Variants in PCDH15 observed in about 807,000 individuals in gnomAD.
The protein encoded by PCDH15 is protocadherin related 15, also known as protocadherin-15.
In PCDH15, 129 loss-of-function variants were observed where a neutral mutation model predicts 178.5. The ratio of observed to expected loss-of-function variants is 0.72; its 90% confidence interval spans 0.63 to 0.84. The LOEUF (loss-of-function observed/expected upper bound fraction) is 0.84. PCDH15 is among the 40% of genes least tolerant of loss of function. The probability of loss-of-function intolerance (pLI) is 0.00; values close to 1 mark genes in which losing one functional copy is unlikely to be tolerated. For synonymous variants in PCDH15, 800 were observed against 732.0 expected (o/e 1.09, Z -1.50); for missense variants, 2,230 against 2,099.9 (o/e 1.06, Z -1.21).
intron 2 of PCDH15, among the ~76,000 whole-genome samples, chr10:54,965,346 T>C (rs1008495172): frequency 6.6e-6 from 1 of 152,106 alleles, no homozygotes; most frequent in Non-Finnish European, 1.5e-5. Flanking sequence ...TTCCCCACGC[T>C]ATTCTCATGA....
chr10:55,582,622 A>ATT lies in PCDH15; in HGVS notation c.-156+45002_-156+45003insAA, dbSNP rs1266708993. Reference sequence around the variant, plus strand: ...TATATATATATATATATATATATATATATATATTTTTTTTTTTTTGCTATA... The same window carrying ATT: ...TATATATATATATATATATATATATATTTATATATTTTTTTTTTTTTGCTATA... On this transcript the variant is annotated intron_variant, in intron 2 of 5. Transcript: ENST00000613346. Among the ~76,000 whole-genome samples, 523 of 74,056 alleles carry ATT rather than the reference A, an allele frequency of 7.1e-3. 2 individuals are homozygous for ATT. The highest frequency in any genetic ancestry group is 9.3e-3 in the Non-Finnish European group (380 of 40,742). 48.6% of individuals were successfully genotyped at this position (74,056 alleles called of 152,430 possible).
At chr10:53,818,146 C>T in intron 33 of PCDH15, 133 bp from the exon 34 acceptor site, 2 of 390,196 alleles carry the variant, frequency 5.1e-6, no homozygotes. Flanking sequence ...AACACTATCT[C>T]AGTGGGAAGT....
intron 2 of PCDH15, among the ~76,000 whole-genome samples, chr10:54,559,348 T>C (rs904907269): frequency 5.9e-5 from 9 of 152,056 alleles, no homozygotes; most frequent in African/African-American, 2.2e-4. Context: ...AATCTTGTTA[T>C]TGATATTAAT....
At chr10:54,906,422 T>A (rs1954722805) in intron 2 of PCDH15, among the ~76,000 whole-genome samples, 1 of 152,112 alleles carries the variant, frequency 6.6e-6, no homozygotes, top group African/African-American at 2.4e-5. Flanking sequence ...TTTACCAAGC[T>A]CACATTAAAA....
chr10:55,314,152 T>C (rs1387610488), intron 1 of PCDH15, among the ~76,000 whole-genome samples: 1 of 148,382 alleles, frequency 6.7e-6, no homozygotes, highest in Non-Finnish European at 1.5e-5. Context: ...ACATCATTTA[T>C]AATATATAAT....
intron 2 of PCDH15, among the ~76,000 whole-genome samples, chr10:54,956,056 A>G (rs1374974673): frequency 6.6e-6 from 1 of 151,364 alleles, no homozygotes; most frequent in African/African-American, 2.4e-5. Context: ...AGAAAATATT[A>G]TGGATGAAAT....
chr10:54,576,216 T>A (rs1036929567), intron 2 of PCDH15, among the ~76,000 whole-genome samples: 2 of 152,292 alleles, frequency 1.3e-5, no homozygotes, highest in Admixed American at 6.5e-5. Context: ...TGTATCCAAG[T>A]AAAGTTCCAT....
intron 2 of PCDH15, among the ~76,000 whole-genome samples, chr10:54,961,493 C>T (rs1183891812): frequency 2.6e-5 from 4 of 152,220 alleles, no homozygotes; most frequent in Non-Finnish European, 5.9e-5. Context: ...AGGGGCTAGG[C>T]TACCAGTTCT....
Position 55,125,537 on chromosome 10 carries a change from A to G in PCDH15, c.-80+41039T>C, listed in dbSNP as rs910034267. On this transcript the variant is annotated intron_variant, in intron 2 of 5. Coordinates refer to the PCDH15 transcript ENST00000458638. Reference sequence around the variant, plus strand: ...AAGGTCAGCCTCCTAAGGGAGGTGAAGAAGATTACAGAATGTATCCGGAGA... The same window carrying G: ...AAGGTCAGCCTCCTAAGGGAGGTGAGGAAGATTACAGAATGTATCCGGAGA... 3.3e-5 allele frequency among the ~76,000 whole-genome samples: 5 copies of G among 152,188 alleles called. No individual in the cohort carries two copies. In the East Asian group the frequency reaches 9.7e-4, roughly 29 times the overall value.
At position 54,967,402 on chromosome 10, in the gene PCDH15, C is replaced by T. The variant is rs78569935; in HGVS notation, c.-79-69902G>A. ...AAGTAATCATCAGCTCCAAAGTTTC[C>T]TTGTACTCCTTTGTAATTCCTCTTT... On this transcript the variant is annotated intron_variant, in intron 2 of 5. Transcript: ENST00000458638. 1.6e-4 allele frequency among the ~76,000 whole-genome samples: 24 copies of T among 152,182 alleles called. No homozygotes were observed. In the Middle Eastern group the frequency reaches 0.014, roughly 87 times the overall value.
chr10:54,706,576 G>T (rs1486241580), intron 1 of PCDH15, among the ~76,000 whole-genome samples: 1 of 152,160 alleles, frequency 6.6e-6, no homozygotes, highest in African/African-American at 2.4e-5. Flanking sequence ...AATAGGATAT[G>T]TAGGTATTTG....
intron 2 of PCDH15, among the ~76,000 whole-genome samples, chr10:54,959,395 C>A (rs1838584080): frequency 6.6e-6 from 1 of 151,796 alleles, no homozygotes; most frequent in African/African-American, 2.4e-5. Flanking sequence ...CACCATTTTG[C>A]AAACTCTAAT....
intron 3 of PCDH15, among the ~76,000 whole-genome samples, chr10:54,844,452 T>A (rs941110248): frequency 6.6e-6 from 1 of 151,956 alleles, no homozygotes; most frequent in African/African-American, 2.4e-5. Context: ...GACACATATA[T>A]GCTTTCCCTC....
At chr10:54,139,853 T>C (rs1244114595) in intron 14 of PCDH15, among the ~76,000 whole-genome samples, 1 of 151,928 alleles carries the variant, frequency 6.6e-6, no homozygotes, top group Non-Finnish European at 1.5e-5. Flanking sequence ...ATGAAAAAAA[T>C]AACAATTTTT....
intron 2 of PCDH15, among the ~76,000 whole-genome samples, chr10:55,034,449 T>G (rs1335792215): frequency 6.6e-6 from 1 of 152,178 alleles, no homozygotes; most frequent in Non-Finnish European, 1.5e-5. Context: ...ATATAAATCT[T>G]AGATTACTTT....
chr10:54,213,826 G>C, intron 10 of PCDH15, 110 bp downstream of exon 10: 2 of 705,324 alleles, frequency 2.8e-6, no homozygotes, highest in Non-Finnish European at 4.9e-6. Context: ...ACTGACTGCT[G>C]TCCACATTAA....
intron 1 of PCDH15, among the ~76,000 whole-genome samples, chr10:54,687,091 C>T (rs1288253237): frequency 6.6e-6 from 1 of 152,092 alleles, no homozygotes; most frequent in Non-Finnish European, 1.5e-5. Flanking sequence ...CTCCTCACAC[C>T]TGTCAGTATG....
At chr10:53,863,644 T>C (rs926610144) in intron 27 of PCDH15, among the ~76,000 whole-genome samples, 11 of 152,122 alleles carry the variant, frequency 7.2e-5, no homozygotes, top group Non-Finnish European at 1.3e-4. Context: ...GAAGGTGATA[T>C]AGATCAAGGG....
chr10:53,820,010 C>A (rs970158808), intron 33 of PCDH15, among the ~76,000 whole-genome samples, 155 bp downstream of exon 33: 48 of 151,982 alleles, frequency 3.2e-4, no homozygotes, highest in African/African-American at 1.1e-3. Flanking sequence ...GCTGTAGGTA[C>A]CTACACAAAT....
Sources: gnomAD v4.1 joint callset for allele counts (sites outside exome capture counted in the v4.1 genomes callset) on GRCh38, gnomAD v4.1.1 for gene constraint, MANE v1.5 for transcripts, NCBI Gene and HGNC (gene_info 2026-07-23, HGNC 2026-07-21) for gene names.